EYS: variants seen among roughly 807,000 people sequenced by gnomAD.
The protein encoded by EYS is EGF-like photoreceptor maintenance factor, also known as protein eyes shut homolog.
In EYS, 250 loss-of-function variants were observed where a neutral mutation model predicts 282.1. That is an observed-to-expected ratio of 0.89 (90% CI 0.80 to 0.98). The LOEUF is 0.98. Among genes scored for constraint, EYS ranks in the 50% least tolerant of loss-of-function variants. EYS has a pLI of 0.00. For missense variants in EYS, 4,016 were observed against 3,709.0 expected (o/e 1.08, Z -2.15); for synonymous variants, 1,355 against 1,282.9 (o/e 1.06, Z -1.20).
chr6:65,455,555 G>A (rs1405340236), intron 5 of EYS, among the ~76,000 whole-genome samples: 1 of 151,920 alleles, frequency 6.6e-6, no homozygotes, highest in East Asian at 1.9e-4. Context: ...GTAAAATCAG[G>A]TGAAAAATGC....
intron 1 of EYS, among the ~76,000 whole-genome samples, chr6:65,699,958 C>CA (rs1192767611): frequency 1.1e-4 from 16 of 150,726 alleles, no homozygotes; most frequent in Admixed American, 5.3e-4. Flanking sequence ...ACTAAAAATA[C>CA]AAAAAAATTA....
intron 31 of EYS, among the ~76,000 whole-genome samples, chr6:64,125,130 C>T (rs1261832549): frequency 6.6e-6 from 1 of 150,750 alleles, no homozygotes; most frequent in Non-Finnish European, 1.5e-5. Flanking sequence ...CTGATGATGT[C>T]AAACACACAC....
chr6:64,560,029 C>A lies in EYS; in HGVS notation c.5644+30194G>T, dbSNP rs139127380. Among the ~76,000 whole-genome samples, 296 of 152,146 alleles carry A rather than the reference C, an allele frequency of 1.9e-3. 2 individuals are homozygous for A. The highest frequency in any genetic ancestry group is 6.7e-3 in the African/African-American group (279 of 41,526). On this transcript the variant is annotated intron_variant, in intron 26 of 42. Transcript: ENST00000503581. ...ATTCACGTACCACTCATAATCTATC[C>A]TTTTACTTCAAGAAAAATTATGAAA...
At chr6:64,142,488 A>C (rs1325256075) in intron 31 of EYS, among the ~76,000 whole-genome samples, 3 of 152,130 alleles carry the variant, frequency 2.0e-5, no homozygotes, top group African/African-American at 7.2e-5. Context: ...AGTGCCTCTA[A>C]AGTATGAGGT....
chr6:65,664,945 C>T (rs1768147691), intron 1 of EYS, among the ~76,000 whole-genome samples: 1 of 152,094 alleles, frequency 6.6e-6, no homozygotes, highest in Non-Finnish European at 1.5e-5. Flanking sequence ...CAAGATGGGA[C>T]ATAGCAATTC....
rs112388321 is a variant in EYS, at chr6:64,085,340, G to GCGCA, written c.6425-3339_6425-3338insTGCG. 4.0e-3 allele frequency among the ~76,000 whole-genome samples: 560 copies of GCGCA among 139,888 alleles called. 4 individuals are homozygous for GCGCA. The highest frequency in any genetic ancestry group is 7.0e-3 in the African/African-American group (250 of 35,758). 91.8% of individuals were successfully genotyped at this position (139,888 alleles called of 152,430 possible). A position where few individuals can be genotyped will look rare whatever the true frequency, so the allele number is the denominator to read the frequency against. ...CGCGCGCGCGTGCGCACGTGCGCGCGCACACACACACACACACACACACAC... is the reference window on the plus strand; with the variant it reads ...CGCGCGCGCGTGCGCACGTGCGCGCGCGCACACACACACACACACACACACACAC... On this transcript the variant is annotated intron_variant, in intron 31 of 42. Coordinates refer to ENST00000503581, the MANE Select transcript of EYS (RefSeq NM_001142800.2).
chr6:65,401,048 C>T (rs545686020), intron 7 of EYS, among the ~76,000 whole-genome samples: 160 of 151,982 alleles, frequency 1.1e-3, no homozygotes, highest in Non-Finnish European at 5.5e-4. Flanking sequence ...AAATTATAAA[C>T]ACTAGAGACA....
chr6:64,493,482 C>T (rs924192232), intron 26 of EYS, among the ~76,000 whole-genome samples: 2 of 151,390 alleles, frequency 1.3e-5, no homozygotes, highest in African/African-American at 4.8e-5. Flanking sequence ...ATGAATGCTT[C>T]GTTAAAAGGA....
intron 30 of EYS, among the ~76,000 whole-genome samples, chr6:64,251,854 G>A (rs1435456454): frequency 6.6e-6 from 1 of 152,070 alleles, no homozygotes; most frequent in African/African-American, 2.4e-5. Flanking sequence ...ATGCCAAAAG[G>A]AAGAAATTAA....
chr6:65,623,592 T>C (rs1490355357), intron 2 of EYS, among the ~76,000 whole-genome samples: 1 of 152,200 alleles, frequency 6.6e-6, no homozygotes, highest in Non-Finnish European at 1.5e-5. Flanking sequence ...AGGTATTCAG[T>C]AAAAACTTTT....
intron 26 of EYS, among the ~76,000 whole-genome samples, chr6:64,470,433 A>G (rs1183638492): frequency 6.6e-6 from 1 of 152,258 alleles, no homozygotes; most frequent in Non-Finnish European, 1.5e-5. Context: ...ATAACTAAAT[A>G]GAAATTCTAG....
chr6:64,086,667 G>T (rs748366873), intron 31 of EYS, among the ~76,000 whole-genome samples: 1 of 152,038 alleles, frequency 6.6e-6, no homozygotes, highest in Non-Finnish European at 1.5e-5. Context: ...CATTGTATCC[G>T]CAACTTTTTT....
At chr6:64,958,519 G>A (rs1008335165) in intron 14 of EYS, among the ~76,000 whole-genome samples, 4 of 151,644 alleles carry the variant, frequency 2.6e-5, no homozygotes, top group East Asian at 1.9e-4. Context: ...AGGCCGAGGC[G>A]GGTGGATCAC....
chr6:64,193,147 C>T (rs1254048459), intron 31 of EYS, among the ~76,000 whole-genome samples: 2 of 152,092 alleles, frequency 1.3e-5, no homozygotes, highest in South Asian at 4.1e-4. Flanking sequence ...CAGCTTGTCA[C>T]ATTTTACAAA....
chr6:65,090,809 T>C (rs1774536550), intron 12 of EYS, among the ~76,000 whole-genome samples: 1 of 152,028 alleles, frequency 6.6e-6, no homozygotes, highest in Admixed American at 6.6e-5. Context: ...ACAAAGTAAT[T>C]GTCAAAGCAA....
chr6:64,846,064 T>C (rs1485504554), intron 19 of EYS, among the ~76,000 whole-genome samples: 1 of 152,176 alleles, frequency 6.6e-6, no homozygotes, highest in Non-Finnish European at 1.5e-5. Context: ...GCAGTTCCTG[T>C]AAATCGATTT....
chr6:65,148,415 A>G (rs1000700583), intron 12 of EYS, among the ~76,000 whole-genome samples: 28 of 152,218 alleles, frequency 1.8e-4, no homozygotes, highest in African/African-American at 6.3e-4. Context: ...TTCCAAAATG[A>G]TCTCCTTTGA....
chr6:65,676,727 G>T (rs1325099494), intron 1 of EYS, among the ~76,000 whole-genome samples: 3 of 151,702 alleles, frequency 2.0e-5, no homozygotes, highest in Non-Finnish European at 4.4e-5. Context: ...CTTATTCTGA[G>T]ATTAAAGCTA....
chr6:63,905,430 C>T (rs571303756), intron 35 of EYS, among the ~76,000 whole-genome samples: 2 of 150,376 alleles, frequency 1.3e-5, no homozygotes, highest in Non-Finnish European at 3.0e-5. Flanking sequence ...CCCAGGTTCA[C>T]GCCATTCTCC....
Sources: gnomAD v4.1 joint callset for allele counts (sites outside exome capture counted in the v4.1 genomes callset) on GRCh38, gnomAD v4.1.1 for gene constraint, MANE v1.5 for transcripts, NCBI Gene and HGNC (gene_info 2026-07-23, HGNC 2026-07-21) for gene names.